TAF1B: variants seen among roughly 807,000 people sequenced by gnomAD.
TAF1B encodes the protein TATA box-binding protein-associated factor RNA polymerase I subunit B.
Under a neutral mutation model 83.9 loss-of-function variants are expected in TAF1B, and 61 were observed. That is an observed-to-expected ratio of 0.73 (90% CI 0.59 to 0.90). The LOEUF (loss-of-function observed/expected upper bound fraction) is 0.90, where lower values mean the gene tolerates loss of function less well. Among genes scored for constraint, TAF1B ranks in the 40% least tolerant of loss-of-function variants. The pLI, the probability that TAF1B is intolerant of heterozygous loss-of-function variation, is 0.00. For synonymous variants in TAF1B, 221 were observed against 224.6 expected, an observed-to-expected ratio of 0.98 and a Z score of 0.14; for missense variants, 625 against 677.0, an observed-to-expected ratio of 0.92 and a Z score of 0.85.
chr2:9,845,054 C>T (rs575717503), intron 1 of TAF1B, among the ~76,000 whole-genome samples, 166 bp from the exon 2 acceptor site: 128 of 152,098 alleles, frequency 8.4e-4, no homozygotes, highest in African/African-American at 2.9e-3. Flanking sequence ...GGTTTCATAC[C>T]GCGCCTCTCC....
At chr2:9,874,870 C>A (rs1324644438) in intron 6 of TAF1B, among the ~76,000 whole-genome samples, 2 of 152,122 alleles carry the variant, frequency 1.3e-5, no homozygotes, top group African/African-American at 4.8e-5. Context: ...AGCAGTTACA[C>A]ATCTTTTGTT....
chr2:9,888,401 T>G (rs1664744007), intron 8 of TAF1B, among the ~76,000 whole-genome samples: 1 of 152,334 alleles, frequency 6.6e-6, no homozygotes, highest in South Asian at 2.1e-4. Flanking sequence ...TTGCCATTTC[T>G]GGTAATCTTT....
rs1306828490 is a variant in TAF1B, at chr2:9,843,493, C to G, written c.-49C>G. ...TCCAGCCTTTCCCGGAAGCTGCGCT[C>G]GCTACCCGGGTAACGGGTCCCGGCT... On this transcript the variant is annotated 5_prime_UTR_variant, in exon 1 of 15. Transcript: ENST00000263663. 6 of 1,517,962 alleles carry G rather than the reference C, an allele frequency of 4.0e-6. No homozygotes were observed. Among genetic ancestry groups the G allele is most frequent in the Middle Eastern group, 1.8e-4 (1 of 5,686 alleles). 94.0% of individuals were successfully genotyped at this position (1,517,962 alleles called of 1,614,324 possible). A position where few individuals can be genotyped will look rare whatever the true frequency, so the allele number is the denominator to read the frequency against.
intron 12 of TAF1B, among the ~76,000 whole-genome samples, chr2:9,918,649 G>A (rs1280474241): frequency 1.3e-5 from 2 of 152,210 alleles, no homozygotes; most frequent in African/African-American, 4.8e-5. Flanking sequence ...AGAATCAGAA[G>A]TACTACTAAC....
chr2:9,860,994 G>T (rs1663733902), intron 5 of TAF1B, among the ~76,000 whole-genome samples: 1 of 152,196 alleles, frequency 6.6e-6, no homozygotes, highest in Non-Finnish European at 1.5e-5. Flanking sequence ...AATAGGAACA[G>T]CTCCAGTCTA....
intron 12 of TAF1B, among the ~76,000 whole-genome samples, chr2:9,917,951 A>G (rs1665734161): frequency 1.3e-5 from 2 of 151,490 alleles, no homozygotes; most frequent in Admixed American, 6.6e-5. Context: ...GGGCGCCTGT[A>G]GTCCCAGCTA....
intron 8 of TAF1B, among the ~76,000 whole-genome samples, chr2:9,893,249 A>C (rs932135835): frequency 2.0e-5 from 3 of 152,138 alleles, no homozygotes; most frequent in Non-Finnish European, 4.4e-5. Context: ...CTGTCTACCT[A>C]CCTACTTGTG....
At chr2:9,880,127 T>C (rs932763554) in intron 7 of TAF1B, among the ~76,000 whole-genome samples, 1 of 152,216 alleles carries the variant, frequency 6.6e-6, no homozygotes, top group African/African-American at 2.4e-5. Flanking sequence ...GGGTTCAGGA[T>C]CTGTTTTTAC....
intron 8 of TAF1B, 88 bp downstream of exon 8, chr2:9,882,893 G>T (rs1055995654): frequency 3.2e-6 from 3 of 945,474 alleles, no homozygotes; most frequent in East Asian, 2.6e-5. Flanking sequence ...CTTATTATTT[G>T]GTGTTTTGTG....
intron 5 of TAF1B, among the ~76,000 whole-genome samples, chr2:9,856,240 G>A (rs1663563113): frequency 6.6e-6 from 1 of 151,890 alleles, no homozygotes; most frequent in Non-Finnish European, 1.5e-5. Flanking sequence ...AAGTCGTACG[G>A]GATAGTGATG....
chr2:9,933,326 T>A (rs1450088493), intron 14 of TAF1B, among the ~76,000 whole-genome samples: 1 of 152,262 alleles, frequency 6.6e-6, no homozygotes, highest in Non-Finnish European at 1.5e-5. Context: ...GGAAATTGCT[T>A]GGTAAACTCT....
intron 14 of TAF1B, among the ~76,000 whole-genome samples, chr2:9,931,826 T>C (rs981028487): frequency 1.3e-5 from 2 of 152,246 alleles, no homozygotes; most frequent in African/African-American, 4.8e-5. Flanking sequence ...AGATTTGGTC[T>C]TTTCACATAG....
intron 11 of TAF1B, among the ~76,000 whole-genome samples, chr2:9,912,244 A>T (rs1373639515): frequency 6.6e-6 from 1 of 151,720 alleles, no homozygotes; most frequent in Non-Finnish European, 1.5e-5. Context: ...TTCTGGAGGG[A>T]GGGATCATAT....
intron 8 of TAF1B, among the ~76,000 whole-genome samples, chr2:9,895,199 C>T (rs368406698): frequency 4.8e-4 from 73 of 152,284 alleles, no homozygotes; most frequent in African/African-American, 1.7e-3. Flanking sequence ...AGATTTTGAA[C>T]ACAAAAAAAA....
At chr2:9,930,370 T>C (rs1225492586) in intron 14 of TAF1B, among the ~76,000 whole-genome samples, 4 of 152,258 alleles carry the variant, frequency 2.6e-5, no homozygotes, top group Non-Finnish European at 5.9e-5. Context: ...GATTCTGGTA[T>C]GTTGTGTCTT....
chr2:9,861,316 G>A (rs1178193118), intron 5 of TAF1B, among the ~76,000 whole-genome samples: 1 of 152,264 alleles, frequency 6.6e-6, no homozygotes, highest in Non-Finnish European at 1.5e-5. Flanking sequence ...CACCTGGCTT[G>A]GAGGGTGCTA....
intron 12 of TAF1B, among the ~76,000 whole-genome samples, chr2:9,915,133 A>G (rs1280060205): frequency 6.6e-6 from 1 of 152,208 alleles, no homozygotes; most frequent in Non-Finnish European, 1.5e-5. Context: ...GAACATGGAG[A>G]AAAATTAAGC....
At chr2:9,905,086 C>T in intron 9 of TAF1B, 80 bp downstream of exon 9, 2 of 1,325,812 alleles carry the variant, frequency 1.5e-6, no homozygotes, top group Non-Finnish European at 2.1e-6. Context: ...TTTCAAATCA[C>T]AGACTATTAG....
At position 9,878,789 on chromosome 2, in the gene TAF1B, C is replaced by T. The variant is rs374308677; in HGVS notation, c.707+2771C>T. Among the ~76,000 whole-genome samples the T allele has an allele frequency of 2.4e-4, 36 of 152,306 alleles. No homozygotes were observed. In the East Asian group the frequency reaches 6.9e-3, roughly 29 times the overall value. On this transcript the variant is annotated intron_variant, in intron 7 of 14. Coordinates refer to ENST00000263663, the MANE Select transcript of TAF1B (RefSeq NM_005680.3). ...CAAGACCAGAGGAGGAAAAAACAAA[C>T]ACATACATATGGTTGGTGCAAAGGT... is the stretch of plus-strand genomic sequence containing the variant.
Sources: allele counts gnomAD v4.1 joint callset (sites outside exome capture counted in the v4.1 genomes callset), GRCh38; gene constraint gnomAD v4.1.1; transcripts MANE v1.5; gene names NCBI Gene and HGNC (gene_info 2026-07-23, HGNC 2026-07-21).